Variants in KCND2 observed in about 807,000 individuals in gnomAD.
The protein encoded by KCND2 is potassium voltage-gated channel subfamily D member 2, also known as A-type voltage-gated potassium channel KCND2.
In KCND2, 16 loss-of-function variants were observed where a neutral mutation model predicts 54.4. The ratio of observed to expected loss-of-function variants is 0.29; its 90% confidence interval spans 0.20 to 0.45. The LOEUF is 0.45. Among genes scored for constraint, KCND2 ranks in the 20% least tolerant of loss-of-function variants. The pLI, the probability that KCND2 is intolerant of heterozygous loss-of-function variation, is 1.00. For missense variants in KCND2, 486 were observed against 824.2 expected, an observed-to-expected ratio of 0.59 and a Z score of 5.02; for synonymous variants, 317 against 310.7, an observed-to-expected ratio of 1.02 and a Z score of -0.21.
intron 1 of KCND2, among the ~76,000 whole-genome samples, chr7:120,729,885 C>T (rs1792783593): frequency 6.6e-6 from 1 of 152,182 alleles, no homozygotes; most frequent in African/African-American, 2.4e-5. Context: ...TCTGCAACCT[C>T]TTTTACCTTA....
chr7:120,570,343 A>G (rs1247551681), intron 1 of KCND2, among the ~76,000 whole-genome samples: 3 of 151,820 alleles, frequency 2.0e-5, no homozygotes, highest in Admixed American at 6.6e-5. Context: ...GAAAGCTACA[A>G]CCCAGATTTT....
intron 1 of KCND2, among the ~76,000 whole-genome samples, chr7:120,323,161 G>T (rs990259733): frequency 6.6e-6 from 1 of 151,744 alleles, no homozygotes; most frequent in Non-Finnish European, 1.5e-5. Context: ...TCCCACCCCC[G>T]ACAGGCCCTG....
intron 1 of KCND2, among the ~76,000 whole-genome samples, chr7:120,724,968 A>G (rs1792714854): frequency 6.6e-6 from 1 of 152,206 alleles, no homozygotes; most frequent in Admixed American, 6.5e-5. Flanking sequence ...ACATTCATTT[A>G]GGTAAAAAAC....
chr7:120,524,889 G>A (rs900898052), intron 1 of KCND2, among the ~76,000 whole-genome samples: 2 of 152,108 alleles, frequency 1.3e-5, no homozygotes, highest in African/African-American at 4.8e-5. Flanking sequence ...CGTCGGGATA[G>A]GAAAGATATT....
At chr7:120,457,643 C>T (rs1348940215) in intron 1 of KCND2, among the ~76,000 whole-genome samples, 1 of 152,176 alleles carries the variant, frequency 6.6e-6, no homozygotes, top group Non-Finnish European at 1.5e-5. Context: ...TCTAGGAAGT[C>T]CCAAACTTTC....
chr7:120,717,849 T>C (rs1293506994), intron 1 of KCND2, among the ~76,000 whole-genome samples: 3 of 152,124 alleles, frequency 2.0e-5, no homozygotes, highest in Non-Finnish European at 4.4e-5. Flanking sequence ...ATTGCAGTTA[T>C]TACTCTCAAA....
chr7:120,728,424 T>C (rs1461860109), intron 1 of KCND2, among the ~76,000 whole-genome samples: 1 of 151,720 alleles, frequency 6.6e-6, no homozygotes, highest in Non-Finnish European at 1.5e-5. Context: ...CCCAAGTAGC[T>C]GAGACTGCAG....
chr7:120,406,228 C>G (rs1467141270), intron 1 of KCND2, among the ~76,000 whole-genome samples: 3 of 151,916 alleles, frequency 2.0e-5, no homozygotes, highest in Non-Finnish European at 4.4e-5. Context: ...TCAAAAGGAT[C>G]ATTAATTCAA....
chr7:120,494,018 G>C (rs997786067), intron 1 of KCND2, among the ~76,000 whole-genome samples: 1 of 152,060 alleles, frequency 6.6e-6, no homozygotes, highest in Non-Finnish European at 1.5e-5. Flanking sequence ...TAAATGAAAA[G>C]TGTCATTTGA....
At chr7:120,519,591 G>GT (rs1323100054) in intron 1 of KCND2, among the ~76,000 whole-genome samples, 1 of 152,134 alleles carries the variant, frequency 6.6e-6, no homozygotes, top group Non-Finnish European at 1.5e-5. Context: ...GATCCCACCT[G>GT]TGCTTCTGAC....
intron 1 of KCND2, among the ~76,000 whole-genome samples, chr7:120,604,458 G>C (rs533904223): frequency 2.7e-5 from 4 of 150,256 alleles, no homozygotes; most frequent in African/African-American, 9.8e-5. Flanking sequence ...AGCCGAGGTC[G>C]TACCACTGCA....
chr7:120,485,870 C>A (rs545993157), intron 1 of KCND2, among the ~76,000 whole-genome samples: 1 of 152,244 alleles, frequency 6.6e-6, no homozygotes, highest in South Asian at 2.1e-4. Context: ...GTGTTTACTG[C>A]AGTATCACTA....
chr7:120,629,991 G>A (rs1285917625), intron 1 of KCND2, among the ~76,000 whole-genome samples: 2 of 152,142 alleles, frequency 1.3e-5, no homozygotes, highest in East Asian at 3.9e-4. Flanking sequence ...AATTGAGGCT[G>A]GAGTTATTAA....
chr7:120,472,039 A>G (rs542116613), intron 1 of KCND2, among the ~76,000 whole-genome samples: 3 of 151,946 alleles, frequency 2.0e-5, no homozygotes, highest in African/African-American at 4.8e-5. Flanking sequence ...AAAAAGAAAA[A>G]ACCAGATTCT....
intron 1 of KCND2, among the ~76,000 whole-genome samples, chr7:120,381,959 A>G (rs978514134): frequency 1.3e-5 from 2 of 150,868 alleles, no homozygotes; most frequent in East Asian, 3.9e-4. Flanking sequence ...TCATTTTTGT[A>G]TTTAGAGAGA....
Position 120,650,521 on chromosome 7 carries a change from C to A in KCND2, c.1116-82382C>A, listed in dbSNP as rs759430510. ...TATTCTAGTTAGCCATTCGTCTAAT[C>A]TTTTTTCAAGGTTTTTAGCTTCTTT... On this transcript the variant is annotated intron_variant, in intron 1 of 5. Coordinates refer to ENST00000331113, the MANE Select transcript of KCND2 (RefSeq NM_012281.3). Among the ~76,000 whole-genome samples the A allele has an allele frequency of 1.3e-4, 19 of 142,960 alleles. 4 individuals carry two copies. The highest frequency in any genetic ancestry group is 2.9e-4 in the Non-Finnish European group (19 of 65,884). 93.8% of individuals were successfully genotyped at this position (142,960 alleles called of 152,430 possible).
intron 1 of KCND2, among the ~76,000 whole-genome samples, chr7:120,451,996 A>G (rs985799002): frequency 6.6e-5 from 10 of 152,256 alleles, no homozygotes; most frequent in African/African-American, 2.2e-4. Flanking sequence ...ACAGAAATCG[A>G]TAACACATTT....
intron 1 of KCND2, among the ~76,000 whole-genome samples, chr7:120,457,652 T>C (rs1385708490): frequency 6.6e-6 from 1 of 152,208 alleles, no homozygotes; most frequent in African/African-American, 2.4e-5. Context: ...TCCCAAACTT[T>C]CCTACATCTT....
chr7:120,511,117 A>G (rs1011844068), intron 1 of KCND2, among the ~76,000 whole-genome samples: 1 of 151,526 alleles, frequency 6.6e-6, no homozygotes, highest in South Asian at 2.1e-4. Flanking sequence ...TTTTTTGTAC[A>G]TGTCATGAAC....
Sources: gnomAD v4.1 joint callset for allele counts (sites outside exome capture counted in the v4.1 genomes callset) on GRCh38, gnomAD v4.1.1 for gene constraint, MANE v1.5 for transcripts, NCBI Gene and HGNC (gene_info 2026-07-23, HGNC 2026-07-21) for gene names.